EPHB1: variants seen among roughly 807,000 people sequenced by gnomAD.
EPHB1 encodes the protein EPH receptor B1, also known as ephrin type-B receptor 1.
Under a neutral mutation model 94.4 loss-of-function variants are expected in EPHB1, and 30 were observed. The ratio of observed to expected loss-of-function variants is 0.32; its 90% CI spans 0.24 to 0.43. The LOEUF (loss-of-function observed/expected upper bound fraction) is 0.43, where lower values mean the gene tolerates loss of function less well. Among genes scored for constraint, EPHB1 ranks in the 20% least tolerant of loss-of-function variants. The probability of loss-of-function intolerance (pLI) is 1.00; values close to 1 mark genes in which losing one functional copy is unlikely to be tolerated. For missense variants in EPHB1, 1,055 were observed against 1,308.3 expected, an observed-to-expected ratio of 0.81 and a Z score of 2.99; for synonymous variants, 522 against 489.1, an observed-to-expected ratio of 1.07 and a Z score of -0.89.
chr3:134,904,705 G>C (rs2038281724), intron 1 of EPHB1, among the ~76,000 whole-genome samples: 1 of 152,160 alleles, frequency 6.6e-6, no homozygotes, highest in African/African-American at 2.4e-5. Flanking sequence ...AGTATGGGAT[G>C]GGGAAGTGAA....
chr3:135,185,701 A>G (rs1374967935), intron 10 of EPHB1, among the ~76,000 whole-genome samples: 4 of 152,200 alleles, frequency 2.6e-5, no homozygotes, highest in African/African-American at 7.2e-5. Context: ...CCTCACATGA[A>G]TGTAACCCTA....
chr3:135,103,887 T>A (rs548456663), intron 3 of EPHB1, among the ~76,000 whole-genome samples: 5 of 152,236 alleles, frequency 3.3e-5, no homozygotes, highest in Admixed American at 2.0e-4. Flanking sequence ...AGAGCTACTG[T>A]CCTCCATCAG....
At chr3:134,835,378 A>G (rs192810562) in intron 1 of EPHB1, among the ~76,000 whole-genome samples, 86 of 152,288 alleles carry the variant, frequency 5.6e-4, no homozygotes, top group Admixed American at 7.8e-4. Flanking sequence ...CGTGATTGCT[A>G]CTTTCAGCCC....
At chr3:134,900,396 G>A (rs2038176764) in intron 1 of EPHB1, among the ~76,000 whole-genome samples, 1 of 152,138 alleles carries the variant, frequency 6.6e-6, no homozygotes, top group South Asian at 2.1e-4. Flanking sequence ...TTGGAACCAG[G>A]AATAAATAGA....
intron 1 of EPHB1, among the ~76,000 whole-genome samples, chr3:134,912,056 G>A (rs972211605): frequency 6.6e-6 from 1 of 152,186 alleles, no homozygotes; most frequent in African/African-American, 2.4e-5. Flanking sequence ...TCTGATTAAC[G>A]AGCCTGGGCC....
chr3:135,002,493 T>C (rs369688494), intron 3 of EPHB1, among the ~76,000 whole-genome samples: 2,833 of 148,928 alleles, frequency 0.019, 39 homozygotes, highest in South Asian at 0.03. Flanking sequence ...AGGGAGGATT[T>C]CCTCTTTTTC....
chr3:134,961,917 T>C (rs931971647), intron 3 of EPHB1, among the ~76,000 whole-genome samples: 14 of 152,254 alleles, frequency 9.2e-5, no homozygotes, highest in Admixed American at 3.9e-4. Context: ...AATTAATTTA[T>C]TTATTCAATG....
At chr3:135,115,669 G>GTCAAGT (rs1559837046) in intron 4 of EPHB1, among the ~76,000 whole-genome samples, 1 of 152,148 alleles carries the variant, frequency 6.6e-6, no homozygotes, top group African/African-American at 2.4e-5. Flanking sequence ...AGGTAAACCA[G>GTCAAGT]GGTTGACTCT....
chr3:134,994,963 G>T (rs1381780863), intron 3 of EPHB1, among the ~76,000 whole-genome samples: 2 of 150,864 alleles, frequency 1.3e-5, no homozygotes, highest in Admixed American at 6.6e-5. Context: ...ACTTTAGTCA[G>T]ATATCACCAG....
At chr3:134,874,044 G>A (rs766451154) in intron 1 of EPHB1, among the ~76,000 whole-genome samples, 1 of 152,206 alleles carries the variant, frequency 6.6e-6, no homozygotes, top group Non-Finnish European at 1.5e-5. Flanking sequence ...TTAAACATCA[G>A]CAGAGCTGGA....
At chr3:135,034,891 G>A (rs1212191634) in intron 3 of EPHB1, among the ~76,000 whole-genome samples, 1 of 152,244 alleles carries the variant, frequency 6.6e-6, no homozygotes, top group Non-Finnish European at 1.5e-5. Flanking sequence ...GACCTGAATA[G>A]GATGCACAGC....
intron 13 of EPHB1, among the ~76,000 whole-genome samples, chr3:135,246,425 C>T (rs1384284171): frequency 3.3e-5 from 5 of 152,164 alleles, no homozygotes; most frequent in Admixed American, 3.3e-4. Flanking sequence ...AGTTTAGCCC[C>T]ATGCCCTTGT....
chr3:134,857,644 C>T (rs559574365), intron 1 of EPHB1, among the ~76,000 whole-genome samples: 5 of 152,172 alleles, frequency 3.3e-5, no homozygotes, highest in South Asian at 2.1e-4. Context: ...CTTCGTCCAC[C>T]CCAGGACCAT....
chr3:134,893,641 C>G (rs1050002221), intron 1 of EPHB1, among the ~76,000 whole-genome samples: 2 of 152,234 alleles, frequency 1.3e-5, no homozygotes. Flanking sequence ...TCATCAGGCT[C>G]CTTCTGCTCA....
intron 12 of EPHB1, among the ~76,000 whole-genome samples, chr3:135,203,360 C>T (rs1233028041): frequency 6.6e-6 from 1 of 152,026 alleles, no homozygotes; most frequent in Non-Finnish European, 1.5e-5. Flanking sequence ...ACATGTATAC[C>T]TATGAAACAA....
chr3:135,135,276 A>C (rs1940576676), intron 5 of EPHB1, among the ~76,000 whole-genome samples: 1 of 149,960 alleles, frequency 6.7e-6, no homozygotes, highest in African/African-American at 2.4e-5. Context: ...TATCAAGTTG[A>C]CCAGTGGTTC....
intron 1 of EPHB1, among the ~76,000 whole-genome samples, chr3:134,804,654 G>T (rs2036002677): frequency 6.6e-6 from 1 of 152,110 alleles, no homozygotes; most frequent in African/African-American, 2.4e-5. Context: ...TTTGTCTTTG[G>T]GCACTTCTAC....
intron 9 of EPHB1, among the ~76,000 whole-genome samples, chr3:135,173,035 CTTTTT>C (rs1325117108): frequency 7.3e-6 from 1 of 136,814 alleles, no homozygotes. Flanking sequence ...GAAATAGTTT[CTTTTT>C]TTTTTTTTTT....
At chr3:135,011,086 G>T (rs1935603828) in intron 3 of EPHB1, among the ~76,000 whole-genome samples, 1 of 152,128 alleles carries the variant, frequency 6.6e-6, no homozygotes, top group Non-Finnish European at 1.5e-5. Flanking sequence ...GAATCTTCTT[G>T]CCTATTTGTG....
Sources: gnomAD v4.1 joint callset for allele counts (sites outside exome capture counted in the v4.1 genomes callset) on GRCh38, gnomAD v4.1.1 for gene constraint, MANE v1.5 for transcripts, NCBI Gene and HGNC (gene_info 2026-07-23, HGNC 2026-07-21) for gene names.